The following CAPRIN2 variants were observed in gnomAD, a reference collection of about 807,000 sequenced individuals.
CAPRIN2 encodes the protein caprin family member 2.
CAPRIN2 carries 66 observed loss-of-function variants against 130.4 expected under a neutral mutation model. The observed-to-expected ratio is 0.51, with a 90% CI of 0.42 to 0.62. The LOEUF (loss-of-function observed/expected upper bound fraction) is 0.62, where lower values mean the gene tolerates loss of function less well. Among genes scored for constraint, CAPRIN2 ranks in the 20% least tolerant of loss-of-function variants. The probability of loss-of-function intolerance (pLI) is 0.00; values close to 1 mark genes in which losing one functional copy is unlikely to be tolerated. For synonymous variants in CAPRIN2, 471 were observed against 444.1 expected (o/e 1.06, Z -0.76); for missense variants, 1,185 against 1,246.6 (o/e 0.95, Z 0.74).
intron 9 of CAPRIN2, among the ~76,000 whole-genome samples, chr12:30,725,549 C>T (rs1002755464): frequency 1.3e-5 from 2 of 152,266 alleles, no homozygotes; most frequent in South Asian, 4.1e-4. Flanking sequence ...ATTGATTTAA[C>T]ATAAATTTAC....
rs1161739652 is a variant in CAPRIN2 at position 30,710,515 on chromosome 12, C to T, written c.2666-45G>A. The T allele has an allele frequency of 1.2e-6, 2 of 1,610,292 alleles. No individual in the cohort carries two copies. Among genetic ancestry groups the T allele is most frequent in the South Asian group, 2.2e-5 (2 of 90,998 alleles). Reference sequence around the variant, plus strand: ...GAGTTTCTCATAATGAAGCAGTTAGCTTTGAACACAATATTTAACATTAGT... The same window carrying T: ...GAGTTTCTCATAATGAAGCAGTTAGTTTTGAACACAATATTTAACATTAGT... On this transcript the variant is annotated intron_variant, in intron 16 of 16. Transcript: ENST00000298892. This position sits in a 1 kb window ranked among gnomAD's most constrained non-coding sequence, Gnocchi z 4.8.
exon 4 of CAPRIN2, chr12:30,735,041 A>T (rs764367110): frequency 1.9e-6 from 3 of 1,614,004 alleles, no homozygotes; most frequent in South Asian, 2.2e-5. Flanking sequence ...TTTGAAGGCA[A>T]ATACACTGCA....
chr12:30,753,631 T>C (rs768841663), exon 1 of CAPRIN2: 1 of 1,614,146 alleles, frequency 6.2e-7, no homozygotes, highest in Non-Finnish European at 8.5e-7. Context: ...GGGGGAAAGT[T>C]AAGTATAAAA....
chr12:30,722,439 AACT>A (rs139259439), intron 11 of CAPRIN2, among the ~76,000 whole-genome samples: 7,749 of 152,238 alleles, frequency 0.051, 278 homozygotes, highest in African/African-American at 0.1. Context: ...TCCACCAGAG[AACT>A]ACTAAGCTAG....
At position 30,710,488 on chromosome 12, in the gene CAPRIN2, G is replaced by GT. The variant is rs2053942293; in HGVS notation, c.2666-19dup. ...CCACCCTGCTGTTTTATTAGCAACAGTGAGTTTCTCATAATGAAGCAGTTA... is the reference window on the plus strand; with the variant it reads ...CCACCCTGCTGTTTTATTAGCAACAGTTGAGTTTCTCATAATGAAGCAGTTA... On this transcript the variant is annotated intron_variant, in intron 16 of 16. Coordinates refer to ENST00000298892, the Ensembl canonical transcript of CAPRIN2. This position sits in a 1 kb window ranked among gnomAD's most constrained non-coding sequence, Gnocchi z 4.8. 6.2e-7 allele frequency: 1 copy of GT among 1,613,510 alleles called. No homozygotes were observed. Among genetic ancestry groups the GT allele is most frequent in the African/African-American group, 1.3e-5 (1 of 75,060 alleles).
chr12:30,727,442 T>C (rs1467620319), intron 8 of CAPRIN2, among the ~76,000 whole-genome samples: 1 of 152,188 alleles, frequency 6.6e-6, no homozygotes, highest in Non-Finnish European at 1.5e-5. Flanking sequence ...ATTATTATAT[T>C]AGAGGTCCAA....
chr12:30,722,875 G>C (rs2059813854), intron 11 of CAPRIN2, among the ~76,000 whole-genome samples: 1 of 152,142 alleles, frequency 6.6e-6, no homozygotes, highest in Non-Finnish European at 1.5e-5. Context: ...CTGCACTCCA[G>C]CCTGGGCGAC....
chr12:30,712,104 T>C (rs1308415399), intron 15 of CAPRIN2, among the ~76,000 whole-genome samples: 2 of 152,058 alleles, frequency 1.3e-5, no homozygotes, highest in Non-Finnish European at 2.9e-5. Context: ...AATTATATTG[T>C]ATAAATATAT....
chr12:30,711,674 A>G (rs1428109290), intron 15 of CAPRIN2, 45 bp from the exon 18 acceptor site: 2 of 1,495,800 alleles, frequency 1.3e-6, no homozygotes, highest in South Asian at 1.1e-5. Flanking sequence ...AAAATGCAGG[A>G]CTATAATTGG....
chr12:30,747,617 CG>C (rs1362556045), intron 2 of CAPRIN2, among the ~76,000 whole-genome samples: 2 of 150,842 alleles, frequency 1.3e-5, no homozygotes, highest in Non-Finnish European at 2.9e-5. Context: ...GTGGAGGTTG[CG>C]GTGAGCCGAG....
In CAPRIN2 at chr12:30,729,069, G is replaced by A. The variant is rs780855026; in HGVS notation, c.1361C>T (p.Pro454Leu). 2.7e-5 allele frequency: 43 copies of A among 1,613,926 alleles called. No homozygotes were observed. The highest frequency in any genetic ancestry group is 1.5e-4 in the South Asian group (14 of 91,074). Residue 454 changes from proline to leucine, a missense_variant, in exon 8 of 17, where the codon CCG becomes CTG. By Grantham distance (98) the Pro-to-Leu change is moderately conservative. This residue lies in a region of CAPRIN2 where 1,104 missense variants were observed against 1,104.3 expected (regional missense o/e 1.00). Coordinates refer to ENST00000298892, the Ensembl canonical transcript of CAPRIN2. The stretch of plus-strand genomic sequence containing the variant: ...GATCTCCTGCTTCTTCTGCTCTTCC[G>A]GCAGAGTAGACCTGAGTTTTGAGGT...
At chr12:30,720,781 C>T (rs2059174773) in intron 12 of CAPRIN2, 30 bp downstream of exon 13, 1 of 1,288,254 alleles carries the variant, frequency 7.8e-7, no homozygotes, top group Non-Finnish European at 1.1e-6. Flanking sequence ...CTTTAAGATA[C>T]AAAAGAAATT....
chr12:30,752,445 G>C (rs7957141), intron 1 of CAPRIN2, among the ~76,000 whole-genome samples: 73,352 of 151,614 alleles, frequency 0.48, 18,250 homozygotes, highest in African/African-American at 0.55. Flanking sequence ...TCACAGTGAT[G>C]GGGAATTTGT....
At position 30,710,585 on chromosome 12, in the gene CAPRIN2, A is replaced by G; in HGVS notation, c.2666-115T>C. The G allele has an allele frequency of 6.7e-7, 1 of 1,484,720 alleles. No homozygotes were observed. Among genetic ancestry groups the G allele is most frequent in the Non-Finnish European group, 9.0e-7 (1 of 1,110,122 alleles). The allele number at this position is 1,484,720 out of a possible 1,614,324, so 92.0% of individuals were successfully genotyped here. On this transcript the variant is annotated intron_variant, in intron 16 of 16. Coordinates refer to ENST00000298892, the Ensembl canonical transcript of CAPRIN2. The surrounding 1 kb of genome is among the most constrained non-coding windows in gnomAD (Gnocchi z 4.8). ...AGATACATTTTATAGTAAATTCCAA[A>G]ACAAAAGCAATATATAGCTAGATTA...
chr12:30,751,663 G>A (rs2073933419), intron 1 of CAPRIN2: 1 of 155,934 alleles, frequency 6.4e-6, no homozygotes, highest in Non-Finnish European at 1.4e-5. Flanking sequence ...GTGGTGTAGA[G>A]GTTACGAAGT....
intron 3 of CAPRIN2, among the ~76,000 whole-genome samples, chr12:30,736,460 G>A (rs1277603242): frequency 6.6e-6 from 1 of 150,470 alleles, no homozygotes; most frequent in Non-Finnish European, 1.5e-5. Flanking sequence ...ATATAGCATC[G>A]ATATTTTAAA....
intron 8 of CAPRIN2, 29 bp from the exon 10 acceptor site, chr12:30,726,117 G>C (rs557440115): frequency 1.4e-6 from 2 of 1,383,708 alleles, no homozygotes; most frequent in East Asian, 5.3e-5. Context: ...ATGTGTAAGA[G>C]TGAAATGCAA....
At chr12:30,722,251 A>C (rs1339271129) in intron 11 of CAPRIN2, among the ~76,000 whole-genome samples, 1 of 152,200 alleles carries the variant, frequency 6.6e-6, no homozygotes, top group Non-Finnish European at 1.5e-5. Context: ...TTGGTGAATA[A>C]ACATGATATT....
At chr12:30,753,299 ATC>A (rs891558481) in intron 1 of CAPRIN2, 43 bp downstream of exon 2, 1 of 1,480,050 alleles carries the variant, frequency 6.8e-7, no homozygotes, top group Non-Finnish European at 9.1e-7. Context: ...CAGCTCCTTA[ATC>A]TTTAAGATCA....
Sources: gnomAD v4.1 joint callset for allele counts (sites outside exome capture counted in the v4.1 genomes callset) on GRCh38, gnomAD v4.1.1 for gene constraint, gnomAD v4.1.1 regional missense constraint, Gnocchi (gnomAD v3.1) non-coding constraint, MANE v1.5 for transcripts, NCBI Gene and HGNC (gene_info 2026-07-23, HGNC 2026-07-21) for gene names.